SCHIP1: variants seen among roughly 807,000 people sequenced by gnomAD.
The protein encoded by SCHIP1 is schwannomin-interacting protein 1.
A neutral mutation model predicts 29.7 loss-of-function variants in SCHIP1; 8 were observed. That is an observed-to-expected ratio of 0.27 (90% CI 0.16 to 0.49). The LOEUF is 0.49. Among genes scored for constraint, SCHIP1 ranks in the 20% least tolerant of loss-of-function variants. The pLI is 0.99. For missense variants in SCHIP1, 193 were observed against 294.6 expected, an observed-to-expected ratio of 0.66 and a Z score of 2.52; for synonymous variants, 76 against 94.9, an observed-to-expected ratio of 0.80 and a Z score of 1.16.
chr3:159,786,077 T>C, the SCHIP1 span, among the ~76,000 whole-genome samples: 1 of 152,228 alleles, frequency 6.6e-6, no homozygotes, highest in African/African-American at 2.4e-5. Context: ...TTACATTTCT[T>C]TCTGTTAATA....
At chr3:159,456,162 G>A in the SCHIP1 span, among the ~76,000 whole-genome samples, 2 of 152,136 alleles carry the variant, frequency 1.3e-5, no homozygotes, top group Non-Finnish European at 2.9e-5. Context: ...TCCTCCCTTC[G>A]CTGGAGCTTG....
the SCHIP1 span, among the ~76,000 whole-genome samples, chr3:159,409,716 A>G: frequency 1.3e-5 from 2 of 152,152 alleles, no homozygotes; most frequent in African/African-American, 4.8e-5. Context: ...TTCCCAAAGC[A>G]ATTTACAGAT....
the SCHIP1 span, among the ~76,000 whole-genome samples, chr3:159,393,844 C>T: frequency 5.3e-5 from 8 of 152,046 alleles, no homozygotes; most frequent in Admixed American, 2.0e-4. Flanking sequence ...TTGCCAATTC[C>T]ATGAAGAAAG....
chr3:159,296,281 A>G, the SCHIP1 span, among the ~76,000 whole-genome samples: 1 of 152,218 alleles, frequency 6.6e-6, no homozygotes. Flanking sequence ...AGTACCCCAG[A>G]ACCTATAGAG....
chr3:159,757,601 C>T, the SCHIP1 span, among the ~76,000 whole-genome samples: 212 of 152,300 alleles, frequency 1.4e-3, no homozygotes, highest in Middle Eastern at 3.4e-3. Flanking sequence ...TTTACCTCAC[C>T]CGCCTGGCCC....
chr3:159,891,935 T>G lies in SCHIP1; in HGVS notation c.590-162T>G, dbSNP rs79060012. On this transcript the variant is annotated intron_variant, in intron 5 of 6. Transcript: ENST00000445224. ...TTTTCTTCCCACACCTCTATAATTATGCAAACTAGACACGTTTCTGCAACA... is the reference window on the plus strand; with the variant it reads ...TTTTCTTCCCACACCTCTATAATTAGGCAAACTAGACACGTTTCTGCAACA... Among the ~76,000 whole-genome samples the G allele has an allele frequency of 2.0e-3, 310 of 152,346 alleles. 6 individuals are homozygous for G. The East Asian group carries it at 0.05, about 25-fold the overall frequency.
intron 1 of SCHIP1, chr3:159,845,382 C>A (rs997503637): frequency 1.4e-5 from 2 of 140,600 alleles, no homozygotes; most frequent in East Asian, 4.1e-4. Flanking sequence ...CAAGCTTCTT[C>A]TTTTTTTTTT....
At chr3:159,472,838 G>C in the SCHIP1 span, among the ~76,000 whole-genome samples, 2 of 152,152 alleles carry the variant, frequency 1.3e-5, no homozygotes, top group African/African-American at 2.4e-5. Flanking sequence ...GAGGGAACCG[G>C]AAGGGCTTCC....
the SCHIP1 span, among the ~76,000 whole-genome samples, chr3:159,437,352 T>G: frequency 6.6e-6 from 1 of 152,168 alleles, no homozygotes; most frequent in Non-Finnish European, 1.5e-5. Flanking sequence ...CATCCTCTAA[T>G]AGGTAAAGGT....
chr3:159,887,740 C>T (rs370519274), exon 4 of SCHIP1: 2 of 1,613,980 alleles, frequency 1.2e-6, no homozygotes, highest in Non-Finnish European at 1.7e-6. Context: ...CTGATAGAGA[C>T]ACTACTGAAG....
At chr3:159,820,742 A>T in the SCHIP1 span, among the ~76,000 whole-genome samples, 1 of 152,270 alleles carries the variant, frequency 6.6e-6, no homozygotes, top group South Asian at 2.1e-4. Flanking sequence ...AGGTGGTTGG[A>T]TAAAGGAGTC....
intron 6 of SCHIP1, chr3:159,894,341 T>C (rs899615972): frequency 2.0e-5 from 3 of 152,212 alleles, no homozygotes; most frequent in South Asian, 2.1e-4. Context: ...ATTAAACTTA[T>C]TACACCTCCA....
At chr3:159,760,472 A>T in the SCHIP1 span, among the ~76,000 whole-genome samples, 1 of 152,176 alleles carries the variant, frequency 6.6e-6, no homozygotes, top group African/African-American at 2.4e-5. Context: ...TCTGCCATCT[A>T]CCTTACCAGC....
the SCHIP1 span, among the ~76,000 whole-genome samples, chr3:159,748,427 A>G: frequency 6.6e-6 from 1 of 152,250 alleles, no homozygotes; most frequent in East Asian, 1.9e-4. Flanking sequence ...AGAATTATAT[A>G]AGAAGTAGAG....
chr3:159,310,650 GA>G, the SCHIP1 span, among the ~76,000 whole-genome samples: 1 of 152,136 alleles, frequency 6.6e-6, no homozygotes. Flanking sequence ...ATAACACAAT[GA>G]ATGGGGTACC....
chr3:159,513,780 G>A, the SCHIP1 span, among the ~76,000 whole-genome samples: 1 of 152,176 alleles, frequency 6.6e-6, no homozygotes, highest in African/African-American at 2.4e-5. Flanking sequence ...ATTGCATGCC[G>A]CCCAATCAAG....
At chr3:159,619,338 A>T in the SCHIP1 span, among the ~76,000 whole-genome samples, 2 of 152,156 alleles carry the variant, frequency 1.3e-5, no homozygotes, top group East Asian at 3.9e-4. Flanking sequence ...CTTCTCACCA[A>T]CCCTGTGCTT....
chr3:159,494,109 A>G, the SCHIP1 span, among the ~76,000 whole-genome samples: 40 of 152,370 alleles, frequency 2.6e-4, no homozygotes, highest in African/African-American at 9.4e-4. Flanking sequence ...AGCAGTGTGT[A>G]GAGGGAAATT....
the SCHIP1 span, among the ~76,000 whole-genome samples, chr3:159,445,001 G>A: frequency 6.6e-6 from 1 of 152,142 alleles, no homozygotes; most frequent in South Asian, 2.1e-4. Context: ...AAAAGCAATG[G>A]CAACAAAAGC....
Sources: gnomAD v4.1 joint callset for allele counts (sites outside exome capture counted in the v4.1 genomes callset) on GRCh38, gnomAD v4.1.1 for gene constraint, MANE v1.5 for transcripts, NCBI Gene and HGNC (gene_info 2026-07-23, HGNC 2026-07-21) for gene names.